The following GAB2 variants were observed in gnomAD, a reference collection of about 807,000 sequenced individuals.
GAB2 encodes the protein GRB2 associated binding protein 2.
In GAB2, 26 loss-of-function variants were observed where a neutral mutation model predicts 65.5. The ratio of observed to expected loss-of-function variants is 0.40; its 90% CI spans 0.29 to 0.55. GAB2 has a LOEUF of 0.55. Among genes scored for constraint, GAB2 ranks in the 20% least tolerant of loss-of-function variants. The probability of loss-of-function intolerance (pLI) is 0.53; values close to 1 mark genes in which losing one functional copy is unlikely to be tolerated. For missense variants in GAB2, 884 were observed against 875.8 expected (o/e 1.01, Z -0.12); for synonymous variants, 321 against 329.6 (o/e 0.97, Z 0.28).
intron 1 of GAB2, among the ~76,000 whole-genome samples, chr11:78,316,674 G>A (rs1195431949): frequency 6.6e-6 from 1 of 152,180 alleles, no homozygotes; most frequent in Admixed American, 6.5e-5. Flanking sequence ...GAACCCTTGT[G>A]CAATGTTGGT....
rs1864188700 is a variant in GAB2 at position 78,217,166 on chromosome 11, T to TC, written c.*2105dup. On this transcript the variant is annotated 3_prime_UTR_variant, in exon 10 of 10. Transcript: ENST00000361507. ...CCCACTCCTGCCTCTGACACCAACCTCCCTAAGTACTTCCTCTGCCCTCCA... is the reference window on the plus strand; with the variant it reads ...CCCACTCCTGCCTCTGACACCAACCTCCCCTAAGTACTTCCTCTGCCCTCCA... 6.6e-6 allele frequency: 1 copy of TC among 152,352 alleles called. No individual in the cohort carries two copies. Among genetic ancestry groups the TC allele is most frequent in the African/African-American group, 2.4e-5 (1 of 41,376 alleles). 9.4% of individuals were successfully genotyped at this position (152,352 alleles called of 1,614,324 possible).
intron 3 of GAB2, among the ~76,000 whole-genome samples, chr11:78,242,894 G>A (rs1266245514): frequency 6.6e-6 from 1 of 152,222 alleles, no homozygotes; most frequent in East Asian, 1.9e-4. Context: ...TGGGTGTGGT[G>A]GCTCATGCCT....
chr11:78,395,698 C>T (rs1305038035), intron 1 of GAB2, among the ~76,000 whole-genome samples: 1 of 152,190 alleles, frequency 6.6e-6, no homozygotes, highest in Non-Finnish European at 1.5e-5. Flanking sequence ...CACAATTGTT[C>T]ATGTTTGCAC....
chr11:78,280,635 C>A lies in GAB2; in HGVS notation c.342G>T (p.Gln114His). 6.2e-7 allele frequency: 1 copy of A among 1,614,152 alleles called. No individual in the cohort carries two copies. Among genetic ancestry groups the A allele is most frequent in the Non-Finnish European group, 8.5e-7 (1 of 1,180,000 alleles). Residue 114 changes from glutamine (Q) to histidine (H), a missense_variant, in exon 2 of 10, where the codon CAG becomes CAT. Physicochemically the swap from Gln to His is conservative, Grantham distance 24. Transcript: ENST00000361507. Reference sequence around the variant, plus strand: ...CCTCAGCCTGATTGAAGCCACAGATCTGGCAGATGCTCTGGACCCACTTAT... The same window carrying A: ...CCTCAGCCTGATTGAAGCCACAGATATGGCAGATGCTCTGGACCCACTTAT... Reference protein sequence around the residue: ...DMNKWVQSICQICGFNQAEES... With the variant: ...DMNKWVQSICHICGFNQAEES...
chr11:78,346,674 C>CATATATATATAT (rs71046967), intron 1 of GAB2, among the ~76,000 whole-genome samples: 13 of 54,904 alleles, frequency 2.4e-4, no homozygotes, highest in East Asian at 9.1e-4. Context: ...ACATCCCCTC[C>CATATATATATAT]ATATATATAT....
rs116406178 is a variant in GAB2, at chr11:78,297,834, G to A, written c.76-16933C>T. Reference sequence around the variant, plus strand: ...TTTATATTAAATATACCATGTTTATGTACACAAACATACATACAACCACAT... The same window carrying A: ...TTTATATTAAATATACCATGTTTATATACACAAACATACATACAACCACAT... On this transcript the variant is annotated intron_variant, in intron 1 of 9. Coordinates refer to ENST00000361507, the MANE Select transcript of GAB2 (RefSeq NM_080491.3). 8.7e-3 allele frequency among the ~76,000 whole-genome samples: 1,320 copies of A among 152,044 alleles called. 19 individuals are homozygous for A. Among genetic ancestry groups the A allele is most frequent in the African/African-American group, 0.03 (1,254 of 41,444 alleles).
At chr11:78,384,072 G>C (rs752967428) in intron 1 of GAB2, among the ~76,000 whole-genome samples, 15 of 152,148 alleles carry the variant, frequency 9.9e-5, no homozygotes, top group Non-Finnish European at 1.6e-4. Flanking sequence ...GTGTTCTTGG[G>C]AAGATCTATT....
intron 2 of GAB2, among the ~76,000 whole-genome samples, chr11:78,250,632 A>G (rs1865427974): frequency 6.6e-6 from 1 of 152,038 alleles, no homozygotes; most frequent in African/African-American, 2.4e-5. Context: ...ACTTCCTATC[A>G]CAATGTAGGC....
chr11:78,341,391 G>C (rs974724936), intron 1 of GAB2, among the ~76,000 whole-genome samples: 13 of 152,162 alleles, frequency 8.5e-5, no homozygotes, highest in African/African-American at 2.9e-4. Flanking sequence ...GGTGTGACAG[G>C]AGATACCAAT....
At chr11:78,246,272 C>G (rs769878529) in intron 3 of GAB2, among the ~76,000 whole-genome samples, 2 of 152,000 alleles carry the variant, frequency 1.3e-5, no homozygotes, top group Non-Finnish European at 2.9e-5. Context: ...AGTGTGTTTT[C>G]CTTTATTACA....
At chr11:78,282,631 A>G (rs1274319899) in intron 1 of GAB2, among the ~76,000 whole-genome samples, 1 of 152,056 alleles carries the variant, frequency 6.6e-6, no homozygotes, top group Non-Finnish European at 1.5e-5. Flanking sequence ...TTTTTGATTA[A>G]GTCATTTACC....
chr11:78,380,352 G>A (rs1218929082), intron 1 of GAB2, among the ~76,000 whole-genome samples: 5 of 152,078 alleles, frequency 3.3e-5, no homozygotes, highest in South Asian at 2.1e-4. Flanking sequence ...CTACAGGTGC[G>A]TGCCACCATG....
intron 1 of GAB2, among the ~76,000 whole-genome samples, chr11:78,412,131 T>C (rs1591097674): frequency 7.0e-6 from 1 of 143,718 alleles, no homozygotes. Context: ...AGAGCAAAAC[T>C]CCATCTCAAA....
intron 1 of GAB2, among the ~76,000 whole-genome samples, chr11:78,356,182 G>GAA (rs372223300): frequency 0.19 from 22,968 of 122,860 alleles, 2,321 homozygotes; most frequent in East Asian, 0.45. Context: ...CAAAAAAAAA[G>GAA]AAAAAAAAAA....
chr11:78,309,971 T>TGTGTGTGTGCGCGCGCGC (rs1421836447), intron 1 of GAB2, among the ~76,000 whole-genome samples: 5 of 120,090 alleles, frequency 4.2e-5, no homozygotes, highest in African/African-American at 1.1e-4. Context: ...TGTGTGTGTG[T>TGTGTGTGTGCGCGCGCGC]GCGCGCGCGC....
At chr11:78,394,665 C>T (rs950471557) in intron 1 of GAB2, among the ~76,000 whole-genome samples, 4 of 152,230 alleles carry the variant, frequency 2.6e-5, no homozygotes, top group African/African-American at 7.2e-5. Flanking sequence ...AGCAGCACTG[C>T]TGTTACCCCA....
intron 1 of GAB2, among the ~76,000 whole-genome samples, chr11:78,391,122 C>T (rs1270333194): frequency 6.6e-6 from 1 of 152,114 alleles, no homozygotes; most frequent in African/African-American, 2.4e-5. Context: ...TAGTGCAACA[C>T]CATCTCTACA....
intron 8 of GAB2, among the ~76,000 whole-genome samples, chr11:78,221,325 G>A (rs764117446): frequency 3.9e-5 from 6 of 152,282 alleles, no homozygotes; most frequent in Admixed American, 6.5e-5. Flanking sequence ...TTATGTGCAC[G>A]TATGCCTCTC....
chr11:78,349,421 T>G (rs57999178), intron 1 of GAB2, among the ~76,000 whole-genome samples: 12,991 of 152,244 alleles, frequency 0.085, 1,721 homozygotes, highest in African/African-American at 0.29. Context: ...CACTATTATC[T>G]CTATTACAGA....
Sources: gnomAD v4.1 joint callset for allele counts (sites outside exome capture counted in the v4.1 genomes callset) on GRCh38, gnomAD v4.1.1 for gene constraint, MANE v1.5 for transcripts, NCBI Gene and HGNC (gene_info 2026-07-23, HGNC 2026-07-21) for gene names.